RAD51B: variants seen among roughly 807,000 people sequenced by gnomAD.
RAD51B encodes the protein DNA repair protein RAD51 homolog 2.
RAD51B carries 38 observed loss-of-function variants against 42.2 expected under a neutral mutation model. The ratio of observed to expected loss-of-function variants is 0.90; its 90% CI spans 0.70 to 1.18. The LOEUF (loss-of-function observed/expected upper bound fraction) is 1.18, where lower values mean the gene tolerates loss of function less well. Among genes scored for constraint, RAD51B ranks in the 50% most tolerant of loss-of-function variants. RAD51B has a pLI of 0.00. For synonymous variants in RAD51B, 154 were observed against 145.2 expected, an observed-to-expected ratio of 1.06 and a Z score of -0.43; for missense variants, 373 against 400.7, an observed-to-expected ratio of 0.93 and a Z score of 0.59.
At chr14:67,858,929 G>A (rs2042079770) in intron 4 of RAD51B, among the ~76,000 whole-genome samples, 1 of 152,174 alleles carries the variant, frequency 6.6e-6, no homozygotes, top group Admixed American at 6.5e-5. Context: ...TGAAAATGAA[G>A]AAAGTTCCAT....
chr14:68,598,748 G>T (rs534312319), downstream of RAD51B, among the ~76,000 whole-genome samples: 4 of 152,250 alleles, frequency 2.6e-5, no homozygotes, highest in South Asian at 2.1e-4. Flanking sequence ...AGGCGGGGAG[G>T]AGCCCCACAG....
At chr14:67,911,713 G>A (rs1042737985) in intron 7 of RAD51B, among the ~76,000 whole-genome samples, 9 of 152,036 alleles carry the variant, frequency 5.9e-5, no homozygotes, top group African/African-American at 7.3e-5. Context: ...AGACCCTACC[G>A]TTATTTTTGG....
intron 7 of RAD51B, among the ~76,000 whole-genome samples, chr14:68,001,502 C>G (rs1242663682): frequency 1.3e-5 from 2 of 152,176 alleles, no homozygotes; most frequent in African/African-American, 2.4e-5. Flanking sequence ...AGTAGAGACT[C>G]AAAAAGGTAA....
intron 7 of RAD51B, among the ~76,000 whole-genome samples, chr14:68,280,102 G>C (rs1439784859): frequency 6.6e-6 from 1 of 152,192 alleles, no homozygotes; most frequent in Non-Finnish European, 1.5e-5. Flanking sequence ...ATAGAACCCA[G>C]GAGTCTGTGT....
downstream of RAD51B, among the ~76,000 whole-genome samples, chr14:68,615,721 T>A (rs1891812667): frequency 6.6e-6 from 1 of 152,210 alleles, no homozygotes. Flanking sequence ...GTCTTCTTTT[T>A]TTATTATTAA....
At chr14:68,116,580 GAC>G (rs2077552465) in intron 7 of RAD51B, among the ~76,000 whole-genome samples, 1 of 152,066 alleles carries the variant, frequency 6.6e-6, no homozygotes, top group African/African-American at 2.4e-5. Flanking sequence ...CAGAGAATTT[GAC>G]AGTCATGACA....
exon 11 of RAD51B, chr14:68,594,708 TA>T: frequency 3.2e-6 from 4 of 1,263,046 alleles, no homozygotes; most frequent in Non-Finnish European, 4.1e-6. Context: ...GGATTACAAG[TA>T]TGAGACTTTG....
intron 8 of RAD51B, among the ~76,000 whole-genome samples, chr14:68,320,658 C>T (rs1011512074): frequency 1.3e-5 from 2 of 152,232 alleles, no homozygotes; most frequent in African/African-American, 4.8e-5. Flanking sequence ...AGAACCAACA[C>T]ATATTCCTTC....
intron 10 of RAD51B, among the ~76,000 whole-genome samples, chr14:68,485,900 T>A (rs1883586973): frequency 1.3e-5 from 2 of 152,256 alleles, no homozygotes; most frequent in African/African-American, 4.8e-5. Context: ...GGTGTTGCCC[T>A]ATTTCAAATG....
chr14:68,101,068 G>A lies in RAD51B; in HGVS notation c.757-190816G>A, dbSNP rs193100334. On this transcript the variant is annotated intron_variant, in intron 7 of 10. Coordinates refer to ENST00000471583, the MANE Select transcript of RAD51B (RefSeq NM_133510.4). ...AGAAGAATGAGCTAAATGGGGAAAAGCCCCTTATAAAACCATCAGATCTCG... is the reference window on the plus strand; with the variant it reads ...AGAAGAATGAGCTAAATGGGGAAAAACCCCTTATAAAACCATCAGATCTCG... 2.9e-3 allele frequency among the ~76,000 whole-genome samples: 434 copies of A among 152,254 alleles called. 2 individuals carry two copies. The highest frequency in any genetic ancestry group is 0.01 in the Middle Eastern group (3 of 294).
In RAD51B at chr14:67,830,243, C is replaced by T. The variant is rs544016699; in HGVS notation, c.198+4666C>T. On this transcript the variant is annotated intron_variant, in intron 3 of 10. Transcript: ENST00000471583. ...CTGTAATATGTGTTTTAAAAAAAAT[C>T]AGTCTTGGACATGGACAAGTGATTG... 2.3e-4 allele frequency among the ~76,000 whole-genome samples: 35 copies of T among 152,244 alleles called. 1 individual carries two copies. In the South Asian group the frequency reaches 7.3e-3, roughly 32 times the overall value.
chr14:68,058,733 A>C (rs146540451), intron 7 of RAD51B, among the ~76,000 whole-genome samples: 7 of 152,286 alleles, frequency 4.6e-5, no homozygotes, highest in African/African-American at 1.7e-4. Context: ...TTAAATTCTT[A>C]GTGTATATAT....
intron 10 of RAD51B, 124 bp downstream of exon 10, chr14:68,468,374 T>G: frequency 9.9e-7 from 1 of 1,009,318 alleles, no homozygotes; most frequent in African/African-American, 1.6e-5. Flanking sequence ...CAAGATGCAT[T>G]GGCCAGTGAT....
intron 11 of RAD51B, among the ~76,000 whole-genome samples, chr14:68,676,936 G>A (rs1042232479): frequency 2.0e-5 from 3 of 152,162 alleles, no homozygotes; most frequent in South Asian, 2.1e-4. Flanking sequence ...TAGGCTGGGC[G>A]GGGGGCCTGC....
At chr14:68,607,381 C>G (rs1891489714) in intron 10 of RAD51B, among the ~76,000 whole-genome samples, 1 of 152,178 alleles carries the variant, frequency 6.6e-6, no homozygotes, top group Admixed American at 6.5e-5. Context: ...GCGTGGCAAA[C>G]AACAACAATG....
At chr14:67,973,459 A>G (rs2074934820) in intron 7 of RAD51B, among the ~76,000 whole-genome samples, 1 of 152,162 alleles carries the variant, frequency 6.6e-6, no homozygotes, top group African/African-American at 2.4e-5. Context: ...AGTGGATTTT[A>G]TGTAAATTGT....
Position 67,893,494 on chromosome 14 carries a change from ACAC to A in RAD51B, c.756+6291_756+6293del, listed in dbSNP as rs1566945255. On this transcript the variant is annotated intron_variant, in intron 7 of 10. Coordinates refer to ENST00000471583, the MANE Select transcript of RAD51B (RefSeq NM_133510.4). Reference sequence around the variant, plus strand: ...CACACACACACACACACACACACACACACACACACACACACAAAAAAAAACAAT... The same window carrying A: ...CACACACACACACACACACACACACAACACACACACACAAAAAAAAACAAT... Among the ~76,000 whole-genome samples the A allele has an allele frequency of 6.9e-3, 584 of 85,188 alleles. 21 individuals are homozygous for A. The highest frequency in any genetic ancestry group is 0.016 in the African/African-American group (280 of 17,444). 55.9% of individuals were successfully genotyped at this position (85,188 alleles called of 152,430 possible). A position where few individuals can be genotyped will look rare whatever the true frequency, so the allele number is the denominator to read the frequency against.
At chr14:68,402,720 T>A (rs1258201492) in intron 8 of RAD51B, among the ~76,000 whole-genome samples, 1 of 152,192 alleles carries the variant, frequency 6.6e-6, no homozygotes, top group Non-Finnish European at 1.5e-5. Flanking sequence ...CATGGAGTGG[T>A]GCATTCTCAA....
At chr14:68,241,045 C>G (rs2080373373) in intron 7 of RAD51B, among the ~76,000 whole-genome samples, 1 of 152,206 alleles carries the variant, frequency 6.6e-6, no homozygotes, top group African/African-American at 2.4e-5. Context: ...GCTTTCACCC[C>G]AGATATCTAC....
Sources: gnomAD v4.1 joint callset for allele counts (sites outside exome capture counted in the v4.1 genomes callset) on GRCh38, gnomAD v4.1.1 for gene constraint, MANE v1.5 for transcripts, NCBI Gene and HGNC (gene_info 2026-07-23, HGNC 2026-07-21) for gene names.